The following ACP7 variants were observed in gnomAD, a reference collection of about 807,000 sequenced individuals.
The protein encoded by ACP7 is acid phosphatase type 7.
Under a neutral mutation model 60.6 loss-of-function variants are expected in ACP7, and 58 were observed. The observed-to-expected ratio is 0.96, with a 90% CI of 0.77 to 1.19. ACP7 has a LOEUF of 1.19. Among genes scored for constraint, ACP7 ranks in the 50% most tolerant of loss-of-function variants. The probability of loss-of-function intolerance (pLI) is 0.00; values close to 1 mark genes in which losing one functional copy is unlikely to be tolerated. For synonymous variants in ACP7, 237 were observed against 232.6 expected (o/e 1.02, Z -0.17); for missense variants, 574 against 596.2 (o/e 0.96, Z 0.39).
intron 2 of ACP7, among the ~76,000 whole-genome samples, chr19:39,089,884 G>C (rs1029481552): frequency 3.3e-5 from 5 of 152,192 alleles, no homozygotes; most frequent in Non-Finnish European, 5.9e-5. Context: ...GTGACTTATT[G>C]ATGTTGACCC....
chr19:39,108,326 A>G (rs1797333929), intron 12 of ACP7, among the ~76,000 whole-genome samples: 1 of 151,746 alleles, frequency 6.6e-6, no homozygotes, highest in African/African-American at 2.4e-5. Flanking sequence ...TTTTTAGTAG[A>G]GACAGGGTTT....
chr19:39,106,962 C>G lies in ACP7; in HGVS notation c.1129C>G (p.Leu377Val). ...CCCGCCCCAGGGCTGTGAGGAGCGG[C>G]TGACGCCCTTTGCTGTCTTCCCGAG... ...ITGSAGCEER[L>V]TPFAVFPRPW... Residue 377 changes from leucine (L) to valine (V), a missense_variant, in exon 12 of 13, where the codon CTG becomes GTG. Coordinates refer to ENST00000331256, the MANE Select transcript of ACP7 (RefSeq NM_001004318.3). 1 of 1,613,954 alleles carries G rather than the reference C, an allele frequency of 6.2e-7. No homozygotes were observed. The highest frequency in any genetic ancestry group is 8.5e-7 in the Non-Finnish European group (1 of 1,179,968).
At chr19:39,098,405 C>T (rs1026747964) in intron 2 of ACP7, 53 bp from the exon 3 acceptor site, 13 of 960,564 alleles carry the variant, frequency 1.4e-5, no homozygotes, top group Admixed American at 2.4e-5. Flanking sequence ...GCATATCCCT[C>T]CCACCCTGCC....
chr19:39,090,570 C>T (rs1273653229), intron 2 of ACP7, among the ~76,000 whole-genome samples: 7 of 152,046 alleles, frequency 4.6e-5, no homozygotes, highest in Non-Finnish European at 1.0e-4. Flanking sequence ...GCAACCCCTA[C>T]CTCCCGGGCT....
At chr19:39,099,168 A>T in intron 4 of ACP7, 26 bp downstream of exon 4, 1 of 1,441,354 alleles carries the variant, frequency 6.9e-7, no homozygotes, top group Non-Finnish European at 9.1e-7. Context: ...GGGCGCGCGC[A>T]GGGACGGTGG....
intron 2 of ACP7, among the ~76,000 whole-genome samples, chr19:39,094,226 C>A (rs982643598): frequency 1.3e-5 from 2 of 151,968 alleles, no homozygotes; most frequent in African/African-American, 4.8e-5. Flanking sequence ...GTAGGCTGGG[C>A]GTGGTGGCTC....
rs1388191660 is a variant in ACP7, at chr19:39,101,260, G to A, written c.974-28G>A. ...ACACCCCACCTCTCCCCAATTCAGAGGTCTGATCCCCGCTTGCTCTATCTC... is the reference window on the plus strand; with the variant it reads ...ACACCCCACCTCTCCCCAATTCAGAAGTCTGATCCCCGCTTGCTCTATCTC... On this transcript the variant is annotated intron_variant, in intron 9 of 12. Coordinates refer to ENST00000331256, the MANE Select transcript of ACP7 (RefSeq NM_001004318.3). The A allele has an allele frequency of 2.5e-6, 4 of 1,614,184 alleles. No homozygotes were observed. In the Admixed American group the frequency reaches 6.7e-5, roughly 27 times the overall value.
chr19:39,084,921 G>A (rs2073123811), intron 1 of ACP7, among the ~76,000 whole-genome samples, 171 bp from the exon 2 acceptor site: 1 of 152,106 alleles, frequency 6.6e-6, no homozygotes, highest in Admixed American at 6.6e-5. Flanking sequence ...CAGCTGCTCG[G>A]TTTCCTCATC....
chr19:39,098,274 A>G (rs57099179), intron 2 of ACP7, among the ~76,000 whole-genome samples, 184 bp from the exon 3 acceptor site: 19 of 144,614 alleles, frequency 1.3e-4, no homozygotes, highest in East Asian at 2.2e-4. Flanking sequence ...AAAAAAAAAA[A>G]AAAAAGAAAA....
intron 11 of ACP7, among the ~76,000 whole-genome samples, chr19:39,103,846 A>G (rs148010383): frequency 2.6e-5 from 4 of 152,138 alleles, no homozygotes; most frequent in African/African-American, 9.6e-5. Context: ...AATGTTTTTA[A>G]TAGAGACAGT....
chr19:39,093,287 G>A (rs1220102992), intron 2 of ACP7, among the ~76,000 whole-genome samples: 7 of 144,780 alleles, frequency 4.8e-5, no homozygotes, highest in African/African-American at 1.9e-4. Context: ...GTCTTGCTCT[G>A]TCACCCAGGC....
In ACP7 at chr19:39,100,649, TG is replaced by T; in HGVS notation, c.692+12del. ...ATGAGGGCCTGTGGTACAGGTAATG[TG>T]GGGGTGCTGGGGGACTGGCCCTCTC... On this transcript the variant is annotated splice_region_variant and intron_variant, in intron 6 of 12. Coordinates refer to ENST00000331256, the MANE Select transcript of ACP7 (RefSeq NM_001004318.3). 1 of 1,613,782 alleles carries T rather than the reference TG, an allele frequency of 6.2e-7. No individual in the cohort carries two copies. Among genetic ancestry groups the T allele is most frequent in the Non-Finnish European group, 8.5e-7 (1 of 1,179,784 alleles).
At chr19:39,098,773 C>T in intron 3 of ACP7, 115 bp downstream of exon 3, 1 of 1,358,672 alleles carries the variant, frequency 7.4e-7, no homozygotes, top group Admixed American at 2.5e-5. Context: ...CACTGCCTAT[C>T]TGCAAGCCTG....
chr19:39,107,476 C>T (rs996284245), intron 12 of ACP7, among the ~76,000 whole-genome samples: 15 of 148,208 alleles, frequency 1.0e-4, no homozygotes, highest in African/African-American at 3.7e-4. Context: ...CCCAGCTACT[C>T]GGGAGGCTGA....
Position 39,100,795 on chromosome 19 carries a change from T to A in ACP7, c.749T>A (p.Leu250His). 1 of 1,613,976 alleles carries A rather than the reference T, an allele frequency of 6.2e-7. No individual in the cohort carries two copies. The highest frequency in any genetic ancestry group is 8.5e-7 in the Non-Finnish European group (1 of 1,179,982). ...ISFSTEVYFF[L>H]HYGRHLVQRQ... ...TTCTCCACCGAGGTCTATTTCTTTC[T>A]CCATTATGGCCGCCACTTGGTACAG... The change falls in exon 7 of 13, where the codon CTC (leucine) becomes CAC (histidine). Residue 250 changes from leucine to histidine, a missense_variant. Physicochemically the swap from Leu to His is moderately conservative, Grantham distance 99 (BLOSUM62 -3). Coordinates refer to ENST00000331256, the MANE Select transcript of ACP7 (RefSeq NM_001004318.3).
intron 2 of ACP7, among the ~76,000 whole-genome samples, chr19:39,088,441 A>G (rs879897536): frequency 6.6e-6 from 1 of 152,236 alleles, no homozygotes; most frequent in Non-Finnish European, 1.5e-5. Flanking sequence ...AGGCCTCTGT[A>G]AAAATGGGAA....
chr19:39,100,451 A>C, intron 5 of ACP7, 101 bp downstream of exon 5: 1 of 1,601,008 alleles, frequency 6.2e-7, no homozygotes, highest in South Asian at 1.1e-5. Flanking sequence ...GCAACATTTC[A>C]ATTGTGGTAG....
At chr19:39,098,804 A>G in intron 3 of ACP7, 146 bp downstream of exon 3, 1 of 1,366,116 alleles carries the variant, frequency 7.3e-7, no homozygotes, top group East Asian at 2.4e-5. Context: ...CCCCAGGATG[A>G]AAACGGAAGG....
chr19:39,105,546 G>T (rs1190873432), intron 11 of ACP7, among the ~76,000 whole-genome samples: 1 of 151,884 alleles, frequency 6.6e-6, no homozygotes, highest in Non-Finnish European at 1.5e-5. Context: ...TTTGAGTTAG[G>T]ATCTCACTCT....
Sources: gnomAD v4.1 joint callset for allele counts (sites outside exome capture counted in the v4.1 genomes callset) on GRCh38, gnomAD v4.1.1 for gene constraint, MANE v1.5 for transcripts, NCBI Gene and HGNC (gene_info 2026-07-23, HGNC 2026-07-21) for gene names.